Variants in PTPN14 observed in about 807,000 individuals in gnomAD.
PTPN14 encodes tyrosine-protein phosphatase non-receptor type 14.
In PTPN14, 53 loss-of-function variants were observed where a neutral mutation model predicts 126.8. The ratio of observed to expected loss-of-function variants is 0.42; its 90% confidence interval spans 0.34 to 0.53. PTPN14 has a LOEUF of 0.53. PTPN14 is among the 20% of genes least tolerant of loss of function. The pLI, the probability that PTPN14 is intolerant of heterozygous loss-of-function variation, is 0.08. For missense variants in PTPN14, 1,257 were observed against 1,552.9 expected (o/e 0.81, Z 3.20); for synonymous variants, 630 against 599.3 (o/e 1.05, Z -0.75).
At chr1:214,512,056 G>C (rs898645418) in intron 1 of PTPN14, among the ~76,000 whole-genome samples, 1 of 152,090 alleles carries the variant, frequency 6.6e-6, no homozygotes, top group East Asian at 1.9e-4. Context: ...TCAATTCTTA[G>C]AGGGCTAGTA....
intron 12 of PTPN14, among the ~76,000 whole-genome samples, chr1:214,386,183 GTTTAT>G (rs991584246): frequency 6.6e-6 from 1 of 152,028 alleles, no homozygotes; most frequent in African/African-American, 2.4e-5. Context: ...GTACCTATAG[GTTTAT>G]TTTAAGGATG....
Position 214,383,660 on chromosome 1 carries a change from T to C in PTPN14, c.2195A>G (p.Glu732Gly), listed in dbSNP as rs1658527247. 2.5e-6 allele frequency: 4 copies of C among 1,613,360 alleles called. No homozygotes were observed. Among genetic ancestry groups the C allele is most frequent in the Non-Finnish European group, 3.4e-6 (4 of 1,180,030 alleles). The change falls in exon 13 of 19, where the codon GAG becomes GGG. Residue 732 changes from glutamate to glycine, a missense_variant. Physicochemically the swap from Glu to Gly is moderately conservative, Grantham distance 98. Around this residue, in one of 3 missense-constraint regions of PTPN14, gnomAD observed 1,021 missense variants for 1,183.3 expected, o/e 0.86. Coordinates refer to ENST00000366956, the MANE Select transcript of PTPN14 (RefSeq NM_005401.5). The surrounding 1 kb of genome is among the most constrained non-coding windows in gnomAD (Gnocchi z 4.4). ...GGCCGCCTGCAGCTGGGCACTGTAC[T>C]CCATCTTCTCCCGGAGCATGGGGAT... ...PQIPMLREKM[E>G]YSAQLQAALA...
intron 3 of PTPN14, among the ~76,000 whole-genome samples, chr1:214,451,489 A>G (rs1481086302): frequency 6.6e-6 from 1 of 152,054 alleles, no homozygotes; most frequent in Admixed American, 6.6e-5. Context: ...TTTTTATTAA[A>G]TTCTTGCATG....
chr1:214,386,955 C>T, intron 11 of PTPN14, 33 bp from the exon 12 acceptor site: 1 of 1,528,494 alleles, frequency 6.5e-7, no homozygotes, highest in Non-Finnish European at 9.0e-7. Flanking sequence ...GGTGGGGAGG[C>T]CTGGGCAGAC....
intron 10 of PTPN14, among the ~76,000 whole-genome samples, chr1:214,392,408 A>C (rs1193774156): frequency 6.6e-6 from 1 of 152,124 alleles, no homozygotes; most frequent in Non-Finnish European, 1.5e-5. Flanking sequence ...GAAAATAAAC[A>C]CTCCGTAAAT....
At chr1:214,509,361 TC>T (rs1293432551) in intron 1 of PTPN14, among the ~76,000 whole-genome samples, 1 of 152,244 alleles carries the variant, frequency 6.6e-6, no homozygotes, top group Non-Finnish European at 1.5e-5. Flanking sequence ...TTAAACTTCA[TC>T]AGTCAACCTC....
Position 214,383,195 on chromosome 1 carries a change from T to C in PTPN14, c.2544+116A>G, listed in dbSNP as rs1411039754. 3.9e-6 allele frequency: 5 copies of C among 1,284,240 alleles called. No individual in the cohort carries two copies. Among genetic ancestry groups the C allele is most frequent in the Non-Finnish European group, 5.4e-6 (5 of 931,042 alleles). The allele number at this position is 1,284,240 out of a possible 1,614,324, so 79.6% of individuals were successfully genotyped here. On this transcript the variant is annotated intron_variant, in intron 13 of 18. Transcript: ENST00000366956. This position sits in a 1 kb window ranked among gnomAD's most constrained non-coding sequence, Gnocchi z 4.4. ...GTGTAATAAAGTACTACCTTTTAAA[T>C]GCTCAATGATTCCTTAAAAACCTAC...
At chr1:214,445,605 C>A (rs1660126054) in intron 3 of PTPN14, among the ~76,000 whole-genome samples, 1 of 151,222 alleles carries the variant, frequency 6.6e-6, no homozygotes, top group Non-Finnish European at 1.5e-5. Context: ...ATGCACTCAG[C>A]AACTTAGAAG....
At chr1:214,376,075 A>G (rs978516391) in intron 15 of PTPN14, 144 bp downstream of exon 15, 16 of 719,574 alleles carry the variant, frequency 2.2e-5, no homozygotes, top group Non-Finnish European at 2.9e-5. Flanking sequence ...TGACTAAGAA[A>G]AGCACAGGAG....
At chr1:214,459,318 A>G (rs1660455384) in intron 2 of PTPN14, among the ~76,000 whole-genome samples, 1 of 151,068 alleles carries the variant, frequency 6.6e-6, no homozygotes, top group South Asian at 2.1e-4. Context: ...TTGCCCGGGT[A>G]ATTTCTGTAT....
rs559644876 is a variant in PTPN14, at chr1:214,465,157, C to T, written c.-154-200G>A. ...TATGCCTTATCTTACAAGGGTGATA[C>T]GATAAAAGCTACTTTACAGTTGAAG... is the stretch of plus-strand genomic sequence containing the variant. On this transcript the variant is annotated intron_variant, in intron 1 of 18. Transcript: ENST00000366956. Among the ~76,000 whole-genome samples, 7 of 152,108 alleles carry T rather than the reference C, an allele frequency of 4.6e-5. No individual in the cohort carries two copies. In the East Asian group the frequency reaches 5.8e-4, roughly 13 times the overall value.
chr1:214,386,887 G>A lies in PTPN14; in HGVS notation c.1023C>T (p.His341=), dbSNP rs1166522702. ...RQQPYILPPV[H]VQCGEHYSET... ...CCGAGTAGTGCTCACCACACTGGAC[G>A]TGAACGGGAGGCAGGATGTACGGCT... Residue 341 remains histidine (H), a synonymous_variant, in exon 12 of 19, where the codon CAC becomes CAT. Transcript: ENST00000366956. 20 of 1,609,174 alleles carry A rather than the reference G, an allele frequency of 1.2e-5. No individual in the cohort carries two copies. The highest frequency in any genetic ancestry group is 1.6e-5 in the Non-Finnish European group (19 of 1,175,770).
At chr1:214,379,749 C>A (rs1846251) in intron 13 of PTPN14, among the ~76,000 whole-genome samples, 1 of 152,082 alleles carries the variant, frequency 6.6e-6, no homozygotes, top group East Asian at 1.9e-4. Context: ...GACGTGGAAG[C>A]CCCCTCCCTA....
In PTPN14 at chr1:214,359,698, T is replaced by C. The variant is rs116227621; in HGVS notation, c.3436-1648A>G. 4.1e-3 allele frequency among the ~76,000 whole-genome samples: 619 copies of C among 152,180 alleles called. 9 individuals carry two copies. The highest frequency in any genetic ancestry group is 0.014 in the African/African-American group (592 of 41,506). ...CCACACCCGGCTAACTTTTAAAATTTTGTGTAGAGACGAGGTCTTACTCTG... is the reference window on the plus strand; with the variant it reads ...CCACACCCGGCTAACTTTTAAAATTCTGTGTAGAGACGAGGTCTTACTCTG... On this transcript the variant is annotated intron_variant, in intron 18 of 18. Coordinates refer to ENST00000366956, the MANE Select transcript of PTPN14 (RefSeq NM_005401.5).
chr1:214,426,066 A>G (rs1471434789), intron 3 of PTPN14, among the ~76,000 whole-genome samples: 2 of 150,396 alleles, frequency 1.3e-5, no homozygotes, highest in Non-Finnish European at 3.0e-5. Context: ...AAAGGAAGGA[A>G]GAAGAGAAAA....
At chr1:214,370,768 T>A (rs1171554666) in intron 16 of PTPN14, among the ~76,000 whole-genome samples, 1 of 149,466 alleles carries the variant, frequency 6.7e-6, no homozygotes, top group African/African-American at 2.5e-5. Context: ...GTGGAGGAGG[T>A]GGTAGCTGAG....
In PTPN14 at chr1:214,401,893, T is replaced by C. The variant is rs1239589453; in HGVS notation, c.582-121A>G. 6 of 758,442 alleles carry C rather than the reference T, an allele frequency of 7.9e-6. No homozygotes were observed. The Middle Eastern group carries it at 7.1e-4, about 89-fold the overall frequency. The allele number at this position is 758,442 out of a possible 1,614,324, so 47.0% of individuals were successfully genotyped here. A position where few individuals can be genotyped will look rare whatever the true frequency, so the allele number is the denominator to read the frequency against. ...TCTAGTTTCTGGGAAGAGCAATCAT[T>C]ACCCAACTGTGAGGGTAGGGTGCAT... On this transcript the variant is annotated intron_variant, in intron 6 of 18. Transcript: ENST00000366956.
intron 3 of PTPN14, among the ~76,000 whole-genome samples, chr1:214,442,294 C>T (rs755553994): frequency 4.6e-5 from 7 of 152,108 alleles, no homozygotes; most frequent in Non-Finnish European, 1.0e-4. Flanking sequence ...AATCAGAAAT[C>T]CTGAATGCTT....
intron 5 of PTPN14, among the ~76,000 whole-genome samples, chr1:214,406,305 C>G (rs1296185659): frequency 6.6e-6 from 1 of 151,970 alleles, no homozygotes; most frequent in African/African-American, 2.4e-5. Flanking sequence ...TGGTGAAACT[C>G]CATCTCTACT....
Sources: gnomAD v4.1 joint callset for allele counts (sites outside exome capture counted in the v4.1 genomes callset) on GRCh38, gnomAD v4.1.1 for gene constraint, gnomAD v4.1.1 regional missense constraint, Gnocchi (gnomAD v3.1) non-coding constraint, MANE v1.5 for transcripts, NCBI Gene and HGNC (gene_info 2026-07-23, HGNC 2026-07-21) for gene names.